Variants in IL1RAPL2 observed in about 807,000 individuals in gnomAD.
The protein encoded by IL1RAPL2 is interleukin 1 receptor accessory protein like 2, also known as X-linked interleukin-1 receptor accessory protein-like 2.
A neutral mutation model predicts 44.1 loss-of-function variants in IL1RAPL2; 3 were observed. That is an observed-to-expected ratio of 0.07 (90% CI 0.03 to 0.18). The LOEUF (loss-of-function observed/expected upper bound fraction) is 0.18. Among genes scored for constraint, IL1RAPL2 ranks in the 10% least tolerant of loss-of-function variants. IL1RAPL2 has a pLI of 1.00. For synonymous variants in IL1RAPL2, 181 were observed against 178.8 expected (o/e 1.01, Z -0.10); for missense variants, 391 against 496.4 (o/e 0.79, Z 2.02).
chrX:105,203,032 G>C (rs1270701359), intron 3 of IL1RAPL2, among the ~76,000 whole-genome samples: 3 of 110,546 alleles, frequency 2.7e-5, no homozygotes, highest in Admixed American at 1.9e-4. Context: ...CCTCCCCCTT[G>C]CTTCCAGTTT....
intron 2 of IL1RAPL2, among the ~76,000 whole-genome samples, chrX:104,721,893 G>A (rs918376256): frequency 4.5e-5 from 5 of 111,307 alleles, no homozygotes; most frequent in Middle Eastern, 4.6e-3. Context: ...TTTGATAAGC[G>A]CTATTGTATA....
chrX:104,861,198 TG>T (rs1246404507), intron 2 of IL1RAPL2, among the ~76,000 whole-genome samples: 1 of 112,084 alleles, frequency 8.9e-6, no homozygotes, highest in Non-Finnish European at 1.9e-5. Flanking sequence ...AAATTGTTTT[TG>T]TTGTCCTTTT....
intron 2 of IL1RAPL2, among the ~76,000 whole-genome samples, chrX:104,947,179 T>C (rs1317583223): frequency 2.7e-5 from 3 of 112,164 alleles, no homozygotes; most frequent in Non-Finnish European, 5.6e-5. Context: ...ATGATGAGCA[T>C]GTTTTCATGT....
At chrX:104,625,856 A>C (rs1270705685) in intron 1 of IL1RAPL2, among the ~76,000 whole-genome samples, 1 of 111,359 alleles carries the variant, frequency 9.0e-6, no homozygotes, top group African/African-American at 3.3e-5. Context: ...GGAGAAAAAC[A>C]TGGCTTTTGA....
At chrX:105,469,698 G>A (rs903444349) in intron 5 of IL1RAPL2, among the ~76,000 whole-genome samples, 1 of 110,350 alleles carries the variant, frequency 9.1e-6, no homozygotes, top group Non-Finnish European at 1.9e-5. Flanking sequence ...ATTTTAAAAG[G>A]ACTATGAAGC....
intron 2 of IL1RAPL2, among the ~76,000 whole-genome samples, chrX:104,941,501 T>C (rs1223591297): frequency 8.9e-6 from 1 of 111,741 alleles, no homozygotes; most frequent in Non-Finnish European, 1.9e-5. Context: ...TAAATGTCTT[T>C]TGAGAAGTGT....
At chrX:105,754,363 A>G (rs2038620265) in intron 9 of IL1RAPL2, among the ~76,000 whole-genome samples, 1 of 112,149 alleles carries the variant, frequency 8.9e-6, no homozygotes, top group African/African-American at 3.2e-5. Flanking sequence ...AAAAAATTGT[A>G]TGCATACATG....
chrX:105,107,928 G>A (rs751977107), intron 2 of IL1RAPL2, among the ~76,000 whole-genome samples: 6 of 111,014 alleles, frequency 5.4e-5, no homozygotes, highest in South Asian at 3.9e-4. Context: ...TACTTCCTTG[G>A]ACTTCTGTAA....
chrX:104,911,172 A>G (rs1282328242), intron 2 of IL1RAPL2, among the ~76,000 whole-genome samples: 1 of 111,783 alleles, frequency 8.9e-6, no homozygotes, highest in East Asian at 2.8e-4. Context: ...CTCCCGCCCA[A>G]AGACTCCAGG....
chrX:104,615,002 A>G (rs1460592470), intron 1 of IL1RAPL2, among the ~76,000 whole-genome samples: 5 of 111,437 alleles, frequency 4.5e-5, no homozygotes, highest in African/African-American at 1.6e-4. Flanking sequence ...ATATTGATAT[A>G]GGAGGTTTTG....
intron 2 of IL1RAPL2, among the ~76,000 whole-genome samples, chrX:104,880,914 C>A (rs920899085): frequency 2.7e-5 from 3 of 111,685 alleles, no homozygotes; most frequent in African/African-American, 9.7e-5. Flanking sequence ...TGTTTCACAG[C>A]ATTAGGTGAC....
chrX:105,677,175 T>C (rs978716063), intron 6 of IL1RAPL2, among the ~76,000 whole-genome samples: 2 of 112,030 alleles, frequency 1.8e-5, no homozygotes, highest in South Asian at 3.7e-4. Context: ...AGCTGTGTGT[T>C]GAAGATATTT....
At chrX:104,780,917 C>A (rs1024461958) in intron 2 of IL1RAPL2, among the ~76,000 whole-genome samples, 2 of 111,585 alleles carry the variant, frequency 1.8e-5, no homozygotes, top group African/African-American at 6.5e-5. Context: ...CTCATTCTTA[C>A]TTTTAGAGTT....
chrX:104,978,982 C>T (rs1213785174), intron 2 of IL1RAPL2, among the ~76,000 whole-genome samples: 1 of 110,637 alleles, frequency 9.0e-6, no homozygotes, highest in Non-Finnish European at 1.9e-5. Context: ...ACCAAGAAAA[C>T]TTTGGACTAG....
chrX:105,352,693 A>G (rs1242857649), intron 5 of IL1RAPL2, among the ~76,000 whole-genome samples: 2 of 109,268 alleles, frequency 1.8e-5, no homozygotes, highest in East Asian at 2.9e-4. Flanking sequence ...GGTGATGAGC[A>G]TTTTTTCATG....
At chrX:105,184,555 T>G (rs782490775) in intron 2 of IL1RAPL2, among the ~76,000 whole-genome samples, 23 of 109,868 alleles carry the variant, frequency 2.1e-4, no homozygotes, top group Admixed American at 1.3e-3. Flanking sequence ...TATGAATATG[T>G]TGTACAATCT....
intron 2 of IL1RAPL2, among the ~76,000 whole-genome samples, chrX:105,122,724 T>G (rs2032937347): frequency 8.9e-6 from 1 of 112,079 alleles, no homozygotes; most frequent in African/African-American, 3.2e-5. Context: ...AGGACCATAT[T>G]CTTTTACTTA....
At chrX:105,478,840 T>G (rs2036214786) in intron 5 of IL1RAPL2, among the ~76,000 whole-genome samples, 1 of 112,034 alleles carries the variant, frequency 8.9e-6, no homozygotes, top group South Asian at 3.7e-4. Flanking sequence ...TTGTGTTTAT[T>G]TGTTCCCCAA....
At chrX:104,956,707 G>A (rs1160579722) in intron 2 of IL1RAPL2, among the ~76,000 whole-genome samples, 1 of 111,234 alleles carries the variant, frequency 9.0e-6, no homozygotes, top group Admixed American at 9.6e-5. Flanking sequence ...TTTCTTCATA[G>A]CAGTAGGCAT....
Sources: gnomAD v4.1 joint callset for allele counts (sites outside exome capture counted in the v4.1 genomes callset) on GRCh38, gnomAD v4.1.1 for gene constraint, MANE v1.5 for transcripts, NCBI Gene and HGNC (gene_info 2026-07-23, HGNC 2026-07-21) for gene names.